Variants in CCSER1 observed in about 807,000 individuals in gnomAD.
CCSER1 encodes the protein coiled-coil serine rich protein 1.
A neutral mutation model predicts 82.0 loss-of-function variants in CCSER1; 41 were observed. The ratio of observed to expected loss-of-function variants is 0.50; its 90% CI spans 0.39 to 0.65. CCSER1 has a LOEUF of 0.65. CCSER1 is among the 30% of genes least tolerant of loss of function. CCSER1 has a pLI of 0.00. For missense variants in CCSER1, 1,119 were observed against 1,064.2 expected, an observed-to-expected ratio of 1.05 and a Z score of -0.72; for synonymous variants, 414 against 383.9, an observed-to-expected ratio of 1.08 and a Z score of -0.92.
intron 5 of CCSER1, among the ~76,000 whole-genome samples, chr4:90,626,846 A>G (rs1723376636): frequency 6.6e-6 from 1 of 152,220 alleles, no homozygotes; most frequent in African/African-American, 2.4e-5. Context: ...TAAGAACTAT[A>G]TAAATATTAG....
chr4:90,925,302 A>T (rs1013122332), intron 9 of CCSER1, among the ~76,000 whole-genome samples: 8 of 152,280 alleles, frequency 5.3e-5, no homozygotes, highest in Admixed American at 5.2e-4. Context: ...TTTTACTACT[A>T]CATGACGTTT....
chr4:90,230,811 A>C (rs1189519682), intron 1 of CCSER1, among the ~76,000 whole-genome samples: 1 of 152,192 alleles, frequency 6.6e-6, no homozygotes, highest in Non-Finnish European at 1.5e-5. Flanking sequence ...TCCCACAGAA[A>C]TACAAACTAC....
chr4:90,952,399 G>A (rs370617760), intron 9 of CCSER1, among the ~76,000 whole-genome samples: 20 of 151,872 alleles, frequency 1.3e-4, no homozygotes, highest in African/African-American at 4.6e-4. Flanking sequence ...AAGAGGCCAG[G>A]TATGCTACTT....
At chr4:90,783,047 T>G (rs553238672) in intron 7 of CCSER1, among the ~76,000 whole-genome samples, 5 of 152,216 alleles carry the variant, frequency 3.3e-5, no homozygotes, top group Non-Finnish European at 7.4e-5. Context: ...GTTCAAGTAA[T>G]TCTCCTGCCT....
intron 9 of CCSER1, among the ~76,000 whole-genome samples, chr4:90,947,740 AT>A (rs1372063500): frequency 1.3e-5 from 2 of 152,134 alleles, no homozygotes; most frequent in Non-Finnish European, 2.9e-5. Flanking sequence ...CATGAAGCAC[AT>A]TTTTTCCTTT....
chr4:90,229,694 T>A (rs6532220), intron 1 of CCSER1, among the ~76,000 whole-genome samples: 4 of 151,998 alleles, frequency 2.6e-5, no homozygotes, highest in African/African-American at 4.8e-5. Flanking sequence ...TAAAGAGTCA[T>A]GACCCATCAG....
At chr4:91,428,061 T>C (rs1754094004) in intron 10 of CCSER1, among the ~76,000 whole-genome samples, 1 of 152,052 alleles carries the variant, frequency 6.6e-6, no homozygotes, top group African/African-American at 2.4e-5. Context: ...TATTTTCTAA[T>C]GAAATTGAAT....
intron 7 of CCSER1, chr4:90,780,521 A>G: frequency 1.3e-6 from 2 of 1,596,918 alleles, no homozygotes; most frequent in Non-Finnish European, 1.7e-6. Flanking sequence ...ATGATCCACC[A>G]TGACTTATTC....
chr4:91,420,838 TAGAG>T (rs1753646147), intron 10 of CCSER1, among the ~76,000 whole-genome samples: 1 of 152,070 alleles, frequency 6.6e-6, no homozygotes, highest in South Asian at 2.1e-4. Context: ...GATAGATAGA[TAGAG>T]ATATATAGAT....
chr4:90,712,984 T>C (rs1740937318), intron 6 of CCSER1, among the ~76,000 whole-genome samples: 1 of 151,964 alleles, frequency 6.6e-6, no homozygotes. Flanking sequence ...TTTTCTTTTT[T>C]CCATTTCCTT....
intron 10 of CCSER1, among the ~76,000 whole-genome samples, chr4:91,274,861 T>G (rs1391233463): frequency 6.6e-6 from 1 of 152,112 alleles, no homozygotes; most frequent in Non-Finnish European, 1.5e-5. Context: ...ATCCCAGCAC[T>G]TTGGGAGGCT....
intron 10 of CCSER1, among the ~76,000 whole-genome samples, chr4:91,496,626 A>ATATATATTCAATATAT (rs1758844928): frequency 3.8e-5 from 1 of 26,104 alleles, no homozygotes; most frequent in African/African-American, 1.0e-4. Flanking sequence ...ACGAATATAT[A>ATATATATTCAATATAT]TTTGAATATA....
chr4:91,198,482 G>A (rs1735634230), intron 10 of CCSER1, among the ~76,000 whole-genome samples: 1 of 152,104 alleles, frequency 6.6e-6, no homozygotes, highest in African/African-American at 2.4e-5. Context: ...AAATGAGAGG[G>A]TTCTGTAGAA....
intron 8 of CCSER1, among the ~76,000 whole-genome samples, chr4:90,877,107 G>A (rs774586424): frequency 3.3e-5 from 5 of 152,000 alleles, no homozygotes; most frequent in African/African-American, 4.8e-5. Flanking sequence ...AACTAGTATT[G>A]TTTCCAGGAT....
intron 8 of CCSER1, among the ~76,000 whole-genome samples, chr4:90,860,474 T>G (rs1024779077): frequency 7.3e-5 from 11 of 151,660 alleles, no homozygotes; most frequent in Non-Finnish European, 1.5e-4. Context: ...GAGTTAACAT[T>G]TTTTGATATG....
chr4:90,241,774 A>T (rs573712479), intron 1 of CCSER1, among the ~76,000 whole-genome samples: 2 of 152,336 alleles, frequency 1.3e-5, no homozygotes, highest in East Asian at 3.9e-4. Context: ...GAGCATTAAC[A>T]TTGAGAAACT....
At chr4:90,395,004 T>G (rs1578255878) in intron 3 of CCSER1, among the ~76,000 whole-genome samples, 1 of 152,234 alleles carries the variant, frequency 6.6e-6, no homozygotes, top group East Asian at 1.9e-4. Context: ...GTCACCATGT[T>G]GTACAACAGA....
At chr4:91,370,584 T>C (rs1421870440) in intron 10 of CCSER1, among the ~76,000 whole-genome samples, 1 of 151,774 alleles carries the variant, frequency 6.6e-6, no homozygotes, top group Non-Finnish European at 1.5e-5. Flanking sequence ...TAGTCCCAGA[T>C]ACTCAGGAGG....
At chr4:91,298,060 G>C (rs1744356327) in intron 10 of CCSER1, among the ~76,000 whole-genome samples, 1 of 151,990 alleles carries the variant, frequency 6.6e-6, no homozygotes, top group Non-Finnish European at 1.5e-5. Flanking sequence ...GTAGGGAACT[G>C]ATGAATTTGA....
Sources: gnomAD v4.1 joint callset for allele counts (sites outside exome capture counted in the v4.1 genomes callset) on GRCh38, gnomAD v4.1.1 for gene constraint, MANE v1.5 for transcripts, NCBI Gene and HGNC (gene_info 2026-07-23, HGNC 2026-07-21) for gene names.